CAST: variants seen among roughly 807,000 people sequenced by gnomAD.
CAST encodes the protein calpastatin.
Under a neutral mutation model 119.6 loss-of-function variants are expected in CAST, and 76 were observed. The observed-to-expected ratio is 0.64, with a 90% confidence interval of 0.53 to 0.77. The LOEUF is 0.77. Among genes scored for constraint, CAST ranks in the 30% least tolerant of loss-of-function variants. The probability of loss-of-function intolerance (pLI) is 0.00; values close to 1 mark genes in which losing one functional copy is unlikely to be tolerated. For synonymous variants in CAST, 319 were observed against 331.6 expected (o/e 0.96, Z 0.41); for missense variants, 953 against 946.5 (o/e 1.01, Z -0.09).
the CAST span, among the ~76,000 whole-genome samples, chr5:96,300,473 C>A: frequency 6.6e-6 from 1 of 152,060 alleles, no homozygotes; most frequent in African/African-American, 2.4e-5. Flanking sequence ...TATTTTTATG[C>A]CGATACCATG....
the CAST span, among the ~76,000 whole-genome samples, chr5:96,087,350 A>G: frequency 6.6e-6 from 1 of 152,204 alleles, no homozygotes; most frequent in South Asian, 2.1e-4. Flanking sequence ...TTGAAAAACC[A>G]ATCTTCTTAA....
At chr5:96,311,837 T>C in the CAST span, among the ~76,000 whole-genome samples, 1 of 151,410 alleles carries the variant, frequency 6.6e-6, no homozygotes, top group East Asian at 1.9e-4. Flanking sequence ...CAGCATATAA[T>C]TGGGTCTTGG....
chr5:96,289,089 C>T, the CAST span, among the ~76,000 whole-genome samples: 1 of 140,002 alleles, frequency 7.1e-6, no homozygotes, highest in Non-Finnish European at 1.5e-5. Context: ...AGTTTTGGAG[C>T]ATATATGATT....
the CAST span, among the ~76,000 whole-genome samples, chr5:96,118,034 G>T: frequency 6.6e-6 from 1 of 152,182 alleles, no homozygotes; most frequent in East Asian, 1.9e-4. Flanking sequence ...TTTTGCAAAA[G>T]AAACTTAATA....
the CAST span, among the ~76,000 whole-genome samples, chr5:96,026,556 G>A: frequency 6.6e-6 from 1 of 152,152 alleles, no homozygotes; most frequent in African/African-American, 2.4e-5. Flanking sequence ...CTGGCCTCCT[G>A]GAAACAGAAG....
At chr5:96,394,210 G>T in the CAST span, among the ~76,000 whole-genome samples, 1 of 152,192 alleles carries the variant, frequency 6.6e-6, no homozygotes, top group Non-Finnish European at 1.5e-5. Context: ...GAGGCACTGT[G>T]CTAGATGCTG....
chr5:96,243,445 A>G, the CAST span, among the ~76,000 whole-genome samples: 3 of 152,014 alleles, frequency 2.0e-5, no homozygotes, highest in Non-Finnish European at 4.4e-5. Context: ...AGCTTGACTG[A>G]ATTTACATTT....
intron 1 of CAST, among the ~76,000 whole-genome samples, chr5:96,555,265 T>G (rs1050435505): frequency 1.3e-5 from 2 of 152,124 alleles, no homozygotes; most frequent in African/African-American, 2.4e-5. Context: ...GATGGCTGAA[T>G]AGGAACAGCT....
the CAST span, among the ~76,000 whole-genome samples, chr5:96,003,620 GT>G: frequency 1.1e-4 from 17 of 151,728 alleles, no homozygotes; most frequent in African/African-American, 4.1e-4. Context: ...TTGTTTCACA[GT>G]AAAAAATTAC....
At chr5:96,275,563 T>G in the CAST span, among the ~76,000 whole-genome samples, 1 of 152,234 alleles carries the variant, frequency 6.6e-6, no homozygotes, top group East Asian at 1.9e-4. Flanking sequence ...TGTCTCCACC[T>G]CCTTTCCCTG....
the CAST span, among the ~76,000 whole-genome samples, chr5:96,491,201 C>A: frequency 2.0e-5 from 3 of 151,896 alleles, no homozygotes; most frequent in Admixed American, 6.6e-5. Flanking sequence ...ATTAAAAAGA[C>A]CAGGCCGGGC....
At chr5:96,270,809 C>A in the CAST span, among the ~76,000 whole-genome samples, 2 of 151,730 alleles carry the variant, frequency 1.3e-5, no homozygotes, top group Admixed American at 6.6e-5. Context: ...ACCACCATGG[C>A]ACACGTTTAC....
chr5:96,125,433 C>T, the CAST span, among the ~76,000 whole-genome samples: 5,958 of 152,166 alleles, frequency 0.039, 395 homozygotes, highest in African/African-American at 0.14. Context: ...AAAGCTAACT[C>T]GGATAGTGAG....
At chr5:96,697,020 G>A (rs1017494320) in intron 3 of CAST, among the ~76,000 whole-genome samples, 5 of 151,576 alleles carry the variant, frequency 3.3e-5, no homozygotes, top group Non-Finnish European at 5.9e-5. Context: ...AATTAGCTGG[G>A]CATGGTGTGT....
the CAST span, among the ~76,000 whole-genome samples, chr5:96,338,762 C>G: frequency 1.3e-5 from 2 of 152,160 alleles, no homozygotes; most frequent in Non-Finnish European, 2.9e-5. Flanking sequence ...CGCAGAACAT[C>G]CTGTTCCTGG....
At chr5:96,069,225 G>T in the CAST span, among the ~76,000 whole-genome samples, 2 of 151,670 alleles carry the variant, frequency 1.3e-5, no homozygotes, top group Non-Finnish European at 2.9e-5. Flanking sequence ...ACATATATAT[G>T]TGTGTATGTA....
At chr5:96,397,790 ATTGAAT>A in the CAST span, among the ~76,000 whole-genome samples, 1 of 150,886 alleles carries the variant, frequency 6.6e-6, no homozygotes, top group Non-Finnish European at 1.5e-5. Context: ...ACATTTACAA[ATTGAAT>A]TAGAGAGTCA....
the CAST span, among the ~76,000 whole-genome samples, chr5:96,328,919 AT>A: frequency 6.6e-6 from 1 of 152,162 alleles, no homozygotes; most frequent in African/African-American, 2.4e-5. Context: ...TTTATTATTC[AT>A]ATGGTATATT....
At chr5:96,227,782 C>T in the CAST span, among the ~76,000 whole-genome samples, 1 of 152,234 alleles carries the variant, frequency 6.6e-6, no homozygotes. Context: ...CTAGATAAAG[C>T]CTTGAGGCTC....
Sources: gnomAD v4.1 joint callset for allele counts (sites outside exome capture counted in the v4.1 genomes callset) on GRCh38, gnomAD v4.1.1 for gene constraint, MANE v1.5 for transcripts, NCBI Gene and HGNC (gene_info 2026-07-23, HGNC 2026-07-21) for gene names.